The following SLC16A3 variants were observed in gnomAD, a reference collection of about 807,000 sequenced individuals.
The protein encoded by SLC16A3 is solute carrier family 16 member 3.
In SLC16A3, 22 loss-of-function variants were observed where a neutral mutation model predicts 25.0. The observed-to-expected ratio is 0.88, with a 90% CI of 0.63 to 1.26. The LOEUF (loss-of-function observed/expected upper bound fraction) is 1.26, where lower values mean the gene tolerates loss of function less well. Among genes scored for constraint, SLC16A3 ranks in the 50% most tolerant of loss-of-function variants. The pLI is 0.00. For synonymous variants in SLC16A3, 390 were observed against 309.2 expected (o/e 1.26, Z -2.74); for missense variants, 731 against 666.6 (o/e 1.10, Z -1.06).
intron 1 of SLC16A3, chr17:82,233,893 C>G (rs11653620): frequency 6.6e-6 from 1 of 151,744 alleles, no homozygotes; most frequent in Non-Finnish European, 1.5e-5. Context: ...CAGGTTGGAG[C>G]GCAGTCGCGC....
chr17:82,224,089 C>A (rs1345440502), upstream of SLC16A3, among the ~76,000 whole-genome samples: 2 of 141,192 alleles, frequency 1.4e-5, no homozygotes, highest in Non-Finnish European at 3.1e-5. Flanking sequence ...GACACCTGTG[C>A]AGACACACCC....
At chr17:82,223,503 CTTAT>C (rs1198955870), upstream of SLC16A3, among the ~76,000 whole-genome samples, 7 of 151,870 alleles carry the variant, frequency 4.6e-5, no homozygotes, top group African/African-American at 1.5e-4. Context: ...TATTTATTTA[CTTAT>C]TTATTTTTTC....
At chr17:82,219,036 C>T (rs1019758395) in intron 1 of SLC16A3, among the ~76,000 whole-genome samples, 6 of 152,072 alleles carry the variant, frequency 3.9e-5, no homozygotes, top group Non-Finnish European at 8.8e-5. Context: ...GGCTCTAGGA[C>T]GTTTCGGGGT....
In SLC16A3 at chr17:82,240,082, A is replaced by T; in HGVS notation, c.*1106A>T. On this transcript the variant is annotated 3_prime_UTR_variant, in exon 5 of 5. Coordinates refer to ENST00000582743, the MANE Select transcript of SLC16A3 (RefSeq NM_004207.4). ...GCTCCTCTGCAATGAAAAGCAAGCG[A>T]AAAGTGCACATCTCAGGTCCAGCTG... 8.1e-7 allele frequency: 1 copy of T among 1,233,304 alleles called. No homozygotes were observed. 76.4% of individuals were successfully genotyped at this position (1,233,304 alleles called of 1,614,324 possible).
At chr17:82,231,103 C>T (rs909592142) in intron 1 of SLC16A3, 6 of 152,148 alleles carry the variant, frequency 3.9e-5, no homozygotes, top group African/African-American at 1.2e-4. Flanking sequence ...AATACGGGGG[C>T]TCCTCCCATG....
chr17:82,236,792 T>A lies in SLC16A3; in HGVS notation c.287T>A (p.Leu96His). 1 of 1,609,036 alleles carries A rather than the reference T, an allele frequency of 6.2e-7. No individual in the cohort carries two copies. Among genetic ancestry groups the A allele is most frequent in the Non-Finnish European group, 8.5e-7 (1 of 1,179,840 alleles). ...GCRPVMLVGG[L>H]FASLGMVAAS... ...CGGCCCGTCATGCTTGTGGGGGGTC[T>A]CTTTGCGTCGCTGGGCATGGTGGCT... The change falls in exon 3 of 5, where the codon CTC becomes CAC. Residue 96 changes from leucine (L) to histidine (H), a missense_variant. Transcript: ENST00000582743.
In SLC16A3 at chr17:82,237,652, C is replaced by T. The variant is rs571273730; in HGVS notation, c.882C>T (p.Ser294=). The change falls in exon 4 of 5, where the codon TCC becomes TCT. Residue 294 remains serine, a synonymous_variant. Coordinates refer to ENST00000582743, the MANE Select transcript of SLC16A3 (RefSeq NM_004207.4). ...VAGLGKVRPY[S]VYLFSFSMFF... The stretch of plus-strand genomic sequence containing the variant: ...GGCTTGGGAAGGTGCGGCCCTACTC[C>T]GTCTACCTCTTCAGCTTCTCCATGT... 8.7e-6 allele frequency: 14 copies of T among 1,612,848 alleles called. No homozygotes were observed. The highest frequency in any genetic ancestry group is 1.6e-4 in the Middle Eastern group (1 of 6,084).
chr17:82,233,283 G>A (rs1488768206), intron 1 of SLC16A3, among the ~76,000 whole-genome samples: 1 of 152,206 alleles, frequency 6.6e-6, no homozygotes, highest in Non-Finnish European at 1.5e-5. Context: ...GATGGTGCCA[G>A]GTTGTGGTCT....
chr17:82,233,635 A>T (rs1437013144), intron 1 of SLC16A3: 2 of 152,198 alleles, frequency 1.3e-5, no homozygotes, highest in Non-Finnish European at 2.9e-5. Context: ...TGCAGGGGGA[A>T]CCTGGGGTAT....
intron 1 of SLC16A3, among the ~76,000 whole-genome samples, chr17:82,233,116 G>T (rs1343585852): frequency 6.6e-6 from 1 of 152,136 alleles, no homozygotes; most frequent in African/African-American, 2.4e-5. Context: ...CCATTATTTT[G>T]TGCCCCTTCC....
upstream of SLC16A3, among the ~76,000 whole-genome samples, chr17:82,226,522 C>T (rs1236350719): frequency 6.6e-6 from 1 of 152,172 alleles, no homozygotes; most frequent in Non-Finnish European, 1.5e-5. Flanking sequence ...CTCTCCCCTG[C>T]ACCATCGCTG....
chr17:82,236,788 G>C lies in SLC16A3; in HGVS notation c.283G>C (p.Gly95Arg), dbSNP rs139574831. ...CTGCCGGCCCGTCATGCTTGTGGGG[G>C]GTCTCTTTGCGTCGCTGGGCATGGT... ...FGCRPVMLVG[G>R]LFASLGMVAA... Residue 95 changes from glycine (G) to arginine (R), a missense_variant, in exon 3 of 5, where the codon GGT becomes CGT. By Grantham distance (125) the Gly-to-Arg change is moderately radical. Transcript: ENST00000582743. 1.3e-5 allele frequency: 21 copies of C among 1,608,970 alleles called. No individual in the cohort carries two copies. The highest frequency in any genetic ancestry group is 1.8e-5 in the Non-Finnish European group (21 of 1,179,858).
At chr17:82,220,884 C>T (rs548370046) in intron 1 of SLC16A3, among the ~76,000 whole-genome samples, 8 of 152,214 alleles carry the variant, frequency 5.3e-5, no homozygotes, top group South Asian at 2.1e-4. Context: ...CATGCAGTGG[C>T]GCAATCCCAG....
rs920424843 is a variant in SLC16A3, at chr17:82,239,328, C to T, written c.*352C>T. 5 of 207,560 alleles carry T rather than the reference C, an allele frequency of 2.4e-5. No individual in the cohort carries two copies. Among genetic ancestry groups the T allele is most frequent in the African/African-American group, 1.2e-4 (5 of 43,430 alleles). The allele number at this position is 207,560 out of a possible 1,614,324, so 12.9% of individuals were successfully genotyped here. On this transcript the variant is annotated 3_prime_UTR_variant, in exon 5 of 5. Transcript: ENST00000582743. ...GGAGGGTGGGTGGGCCGCAGACAGGCTGGCAGGGCAGGTGCTGCGTGGGGC... is the reference window on the plus strand; with the variant it reads ...GGAGGGTGGGTGGGCCGCAGACAGGTTGGCAGGGCAGGTGCTGCGTGGGGC...
rs769470959 is a variant in SLC16A3, at chr17:82,237,115, TCAC to T, written c.368-19_368-17del. On this transcript the variant is annotated intron_variant, in intron 3 of 4. Transcript: ENST00000582743. ...GCTTTGGGGCAGCCTTGGGGGGCTC[TCAC>T]CACATTCCCTTTCCTCCAGGGTTGG... is the stretch of plus-strand genomic sequence containing the variant. 7.4e-6 allele frequency: 11 copies of T among 1,489,832 alleles called. No homozygotes were observed. The highest frequency in any genetic ancestry group is 1.4e-5 in the African/African-American group (1 of 71,068). 92.3% of individuals were successfully genotyped at this position (1,489,832 alleles called of 1,614,324 possible).
In SLC16A3 at chr17:82,239,170, T is replaced by TTG; in HGVS notation, c.*194_*195insTG. Reference sequence around the variant, plus strand: ...GAACCGTGTCATTCCAGAGTGGATCTGCGGTGAAGCCAAGCCGCAAGGTTA... The same window carrying TTG: ...GAACCGTGTCATTCCAGAGTGGATCTTGGCGGTGAAGCCAAGCCGCAAGGTTA... On this transcript the variant is annotated 3_prime_UTR_variant, in exon 5 of 5. Transcript: ENST00000582743. 1 of 525,880 alleles carries TTG rather than the reference T, an allele frequency of 1.9e-6. No homozygotes were observed. Among genetic ancestry groups the TTG allele is most frequent in the Non-Finnish European group, 3.2e-6 (1 of 315,668 alleles). 32.6% of individuals were successfully genotyped at this position (525,880 alleles called of 1,614,324 possible).
intron 1 of SLC16A3, among the ~76,000 whole-genome samples, chr17:82,219,740 C>T (rs550376292): frequency 3.3e-5 from 5 of 152,170 alleles, no homozygotes; most frequent in Admixed American, 2.0e-4. Flanking sequence ...CACTGAAAGG[C>T]GGGGGGTCTG....
chr17:82,222,738 G>T (rs1447922381), intron 1 of SLC16A3, among the ~76,000 whole-genome samples: 1 of 151,028 alleles, frequency 6.6e-6, no homozygotes, highest in Non-Finnish European at 1.5e-5. Flanking sequence ...GGGAGGCGGA[G>T]GTTGCAATGA....
intron 1 of SLC16A3, chr17:82,234,044 G>GCA (rs2050550135): frequency 3.5e-5 from 2 of 57,728 alleles, no homozygotes; most frequent in Non-Finnish European, 9.1e-5. Flanking sequence ...GTTTCACCGT[G>GCA]TTAGCCAGGA....
Sources: gnomAD v4.1 joint callset for allele counts (sites outside exome capture counted in the v4.1 genomes callset) on GRCh38, gnomAD v4.1.1 for gene constraint, MANE v1.5 for transcripts, NCBI Gene and HGNC (gene_info 2026-07-23, HGNC 2026-07-21) for gene names.